The following AAGAB variants were observed in gnomAD, a reference collection of about 807,000 sequenced individuals.
The protein encoded by AAGAB is alpha and gamma adaptin binding protein, also known as alpha- and gamma-adaptin-binding protein p34.
In AAGAB, 38 loss-of-function variants were observed where a neutral mutation model predicts 44.1. The observed-to-expected ratio is 0.86, with a 90% CI of 0.67 to 1.13. The LOEUF is 1.13. Among genes scored for constraint, AAGAB ranks in the 50% most tolerant of loss-of-function variants. AAGAB has a pLI of 0.00. For missense variants in AAGAB, 450 were observed against 373.8 expected (o/e 1.20, Z -1.68); for synonymous variants, 131 against 131.8 (o/e 0.99, Z 0.04).
At chr15:67,248,234 T>C (rs932285604) in intron 1 of AAGAB, among the ~76,000 whole-genome samples, 1 of 152,166 alleles carries the variant, frequency 6.6e-6, no homozygotes, top group Non-Finnish European at 1.5e-5. Flanking sequence ...ATATTAAGTA[T>C]CATAGCTAAA....
At chr15:67,250,812 GT>G in intron 1 of AAGAB, among the ~76,000 whole-genome samples, 2 of 152,210 alleles carry the variant, frequency 1.3e-5, no homozygotes, top group Middle Eastern at 6.8e-3. Flanking sequence ...AGATCACGAG[GT>G]CAAGAGATGG....
chr15:67,208,724 A>G, intron 6 of AAGAB, 66 bp from the exon 7 acceptor site: 1 of 1,436,076 alleles, frequency 7.0e-7, no homozygotes, highest in Non-Finnish European at 9.7e-7. Flanking sequence ...AATCCAAAAA[A>G]GCTCACACTT....
At position 67,208,579 on chromosome 15, in the gene AAGAB, TG is replaced by T; in HGVS notation, c.697del (p.Gln233ArgfsTer10). ...GAACTTACCCACAATGCTATCAACC[TG>T]GGCATCTGTTGTGTTAGATGCACCA... Reference protein sequence around the residue: ...RGGASNTTDAQVDSIVDPMLD... With the variant: ...RGGASNTTDAXVDSIVDPMLD... On this transcript the variant is annotated frameshift_variant, in exon 7 of 10. Transcript: ENST00000261880. LOFTEE classifies it high-confidence loss of function. The T allele has an allele frequency of 6.2e-7, 1 of 1,614,082 alleles. No homozygotes were observed. The highest frequency in any genetic ancestry group is 8.5e-7 in the Non-Finnish European group (1 of 1,179,956).
intron 1 of AAGAB, chr15:67,242,679 T>C (rs934589866): frequency 6.6e-6 from 1 of 152,142 alleles, no homozygotes; most frequent in Non-Finnish European, 1.5e-5. Context: ...AACATTAGAG[T>C]TGACTTTACA....
At chr15:67,248,025 A>G (rs960310012) in intron 1 of AAGAB, among the ~76,000 whole-genome samples, 3 of 152,220 alleles carry the variant, frequency 2.0e-5, no homozygotes, top group Non-Finnish European at 4.4e-5. Flanking sequence ...ACTTTGGGAA[A>G]CCACAGCTTT....
intron 7 of AAGAB, among the ~76,000 whole-genome samples, chr15:67,207,445 C>A (rs1963711793): frequency 6.6e-6 from 1 of 152,232 alleles, no homozygotes. Flanking sequence ...CCAAAGGGTA[C>A]ATCTTGGCCT....
At chr15:67,247,444 G>C (rs535074563) in intron 1 of AAGAB, among the ~76,000 whole-genome samples, 1 of 152,246 alleles carries the variant, frequency 6.6e-6, no homozygotes, top group African/African-American at 2.4e-5. Flanking sequence ...TTTACCTTTT[G>C]CCATACAAAA....
chr15:67,241,640 G>A (rs968451108), intron 1 of AAGAB, among the ~76,000 whole-genome samples: 2 of 151,968 alleles, frequency 1.3e-5, no homozygotes, highest in African/African-American at 2.4e-5. Flanking sequence ...TTAACCTCTC[G>A]GTGTCTCATT....
At chr15:67,210,164 C>T (rs1405710181) in intron 5 of AAGAB, among the ~76,000 whole-genome samples, 2 of 152,128 alleles carry the variant, frequency 1.3e-5, no homozygotes, top group Non-Finnish European at 2.9e-5. Context: ...AAAATCAACA[C>T]CAAGGCATTC....
rs534197191 is a variant in AAGAB, at chr15:67,229,216, G to A, written c.535+2598C>T. On this transcript the variant is annotated intron_variant, in intron 5 of 9. Coordinates refer to ENST00000261880, the MANE Select transcript of AAGAB (RefSeq NM_024666.5). ...TGGGAGGCCAAGGTGGGCAGATCAC[G>A]AGGTCAAGAGTTCAAGACCAGCCTG... Among the ~76,000 whole-genome samples the A allele has an allele frequency of 7.2e-5, 11 of 152,166 alleles. No homozygotes were observed. The East Asian group carries it at 1.4e-3, about 19-fold the overall frequency.
chr15:67,248,473 C>T (rs1449325224), intron 1 of AAGAB, among the ~76,000 whole-genome samples: 1 of 152,148 alleles, frequency 6.6e-6, no homozygotes, highest in Non-Finnish European at 1.5e-5. Flanking sequence ...TTACTTATTC[C>T]CAGAGTAAAC....
At chr15:67,233,803 G>A (rs561748788) in intron 4 of AAGAB, among the ~76,000 whole-genome samples, 42 of 152,206 alleles carry the variant, frequency 2.8e-4, no homozygotes, top group Admixed American at 7.8e-4. Flanking sequence ...ACTCCTTGAC[G>A]GCAGGAATCT....
At chr15:67,223,642 C>A (rs1964134857) in intron 5 of AAGAB, among the ~76,000 whole-genome samples, 1 of 152,190 alleles carries the variant, frequency 6.6e-6, no homozygotes, top group Non-Finnish European at 1.5e-5. Flanking sequence ...TCTTCACCCT[C>A]ATCATCTACT....
intron 1 of AAGAB, among the ~76,000 whole-genome samples, chr15:67,253,529 GGATCAC>G (rs1168016364): frequency 5.1e-4 from 78 of 151,990 alleles, no homozygotes; most frequent in Middle Eastern, 6.8e-3. Flanking sequence ...CAAGACAGGA[GGATCAC>G]TTGAAACCAC....
chr15:67,236,726 T>C lies in AAGAB; in HGVS notation c.168A>G (p.Ala56=). The C allele has an allele frequency of 6.2e-7, 1 of 1,613,604 alleles. No homozygotes were observed. ...TTGGCACCACACATAGATTGATGTC[T>C]GCTGAATAGTATTTATTATCAATGG... ...PWTIDNKYYS[A]DINLCVVPNK... is the part of the protein sequence containing the mutation. The change falls in exon 2 of 10, where the codon GCA becomes GCG. Residue 56 remains alanine, a synonymous_variant. Transcript: ENST00000261880.
Position 67,209,474 on chromosome 15 carries a change from G to C in AAGAB, c.606C>G (p.Pro202=). 2 of 1,614,006 alleles carry C rather than the reference G, an allele frequency of 1.2e-6. No homozygotes were observed. The highest frequency in any genetic ancestry group is 1.7e-6 in the Non-Finnish European group (2 of 1,179,874). Residue 202 remains proline (P), a synonymous_variant, in exon 6 of 10, where the codon CCC becomes CCG. Transcript: ENST00000261880. The stretch of plus-strand genomic sequence containing the variant: ...GAAAAACCTTTACCTCTGGGTGACA[G>C]GGATCTGCTGACCCAATGCTATGGT... ...GTNHSIGSAD[P]CHPEQPHLPA...
chr15:67,232,185 T>C (rs188013300), intron 4 of AAGAB, among the ~76,000 whole-genome samples: 313 of 146,180 alleles, frequency 2.1e-3, no homozygotes, highest in Non-Finnish European at 3.0e-3. Context: ...ACCCAGGAGG[T>C]AGAGGTTGTG....
chr15:67,233,420 G>A (rs935973399), intron 4 of AAGAB, among the ~76,000 whole-genome samples: 14 of 152,170 alleles, frequency 9.2e-5, no homozygotes, highest in East Asian at 5.8e-4. Context: ...AGGAATGATC[G>A]TGTACAAAGG....
Position 67,208,636 on chromosome 15 carries a change from T to G in AAGAB, c.641A>C (p.Asp214Ala). 6.2e-7 allele frequency: 1 copy of G among 1,614,156 alleles called. No homozygotes were observed. Among genetic ancestry groups the G allele is most frequent in the Non-Finnish European group, 8.5e-7 (1 of 1,180,008 alleles). Residue 214 changes from aspartate (D) to alanine (A), a missense_variant, in exon 7 of 10, where the codon GAT (aspartate) becomes GCT (alanine). Asp to Ala is a moderately radical substitution (Grantham distance 126). Transcript: ENST00000261880. ...ATGATCAGAGAGGGATTCAGTACTA[T>G]CTGCTGCTGGCAAATGGGGTTGCTG... Reference protein sequence around the residue: ...HPEQPHLPAADSTESLSDHRG... With the variant: ...HPEQPHLPAAASTESLSDHRG...
Sources: gnomAD v4.1 joint callset for allele counts (sites outside exome capture counted in the v4.1 genomes callset) on GRCh38, gnomAD v4.1.1 for gene constraint, MANE v1.5 for transcripts, NCBI Gene and HGNC (gene_info 2026-07-23, HGNC 2026-07-21) for gene names.